ACOT13: variants seen among roughly 807,000 people sequenced by gnomAD.
The protein encoded by ACOT13 is acyl-CoA thioesterase 13.
A neutral mutation model predicts 11.8 loss-of-function variants in ACOT13; 10 were observed. The ratio of observed to expected loss-of-function variants is 0.85; its 90% CI spans 0.53 to 1.44. ACOT13 has a LOEUF of 1.44. Among genes scored for constraint, ACOT13 ranks in the 40% most tolerant of loss-of-function variants. The pLI is 0.00. For missense variants in ACOT13, 172 were observed against 174.1 expected (o/e 0.99, Z 0.07); for synonymous variants, 53 against 61.0 (o/e 0.87, Z 0.61).
intron 1 of ACOT13, among the ~76,000 whole-genome samples, chr6:24,674,973 CAT>C (rs1340898157): frequency 2.0e-5 from 3 of 147,234 alleles, no homozygotes; most frequent in Non-Finnish European, 4.4e-5. Flanking sequence ...TGAGTGAGAA[CAT>C]GTGGTGTTTG....
At chr6:24,681,502 T>A (rs1391190496) in intron 1 of ACOT13, among the ~76,000 whole-genome samples, 1 of 60,382 alleles carries the variant, frequency 1.7e-5, no homozygotes, top group African/African-American at 1.4e-4. Flanking sequence ...ACACTTTTTT[T>A]TTTTATTCTA....
chr6:24,672,335 A>G (rs1203067323), intron 1 of ACOT13, among the ~76,000 whole-genome samples: 1 of 152,238 alleles, frequency 6.6e-6, no homozygotes, highest in Non-Finnish European at 1.5e-5. Context: ...AAAATTTTAA[A>G]CTTGACCATA....
At chr6:24,694,452 A>ATT in intron 1 of ACOT13, among the ~76,000 whole-genome samples, 1 of 152,368 alleles carries the variant, frequency 6.6e-6, no homozygotes, top group East Asian at 1.9e-4. Flanking sequence ...AGACAATAGT[A>ATT]TTCACTTCAA....
At chr6:24,697,041 T>A (rs551168194) in intron 1 of ACOT13, among the ~76,000 whole-genome samples, 1 of 152,390 alleles carries the variant, frequency 6.6e-6, no homozygotes, top group African/African-American at 2.4e-5. Context: ...CCCAAAATGC[T>A]GGGATTACAG....
chr6:24,682,274 C>A (rs1035274655), intron 1 of ACOT13, among the ~76,000 whole-genome samples: 6 of 152,180 alleles, frequency 3.9e-5, no homozygotes, highest in Admixed American at 1.3e-4. Context: ...CTTTGGATGT[C>A]CCTTCGTGGT....
intron 1 of ACOT13, among the ~76,000 whole-genome samples, chr6:24,682,683 T>C (rs921855308): frequency 3.3e-5 from 5 of 151,452 alleles, no homozygotes; most frequent in African/African-American, 1.2e-4. Context: ...GTGGCAGGTC[T>C]GCGGTGGCGG....
intron 1 of ACOT13, among the ~76,000 whole-genome samples, chr6:24,693,295 C>T (rs3777665): frequency 0.15 from 23,239 of 152,122 alleles, 1,925 homozygotes; most frequent in Middle Eastern, 0.26. Context: ...TTTCTCATAC[C>T]ATATGTCACA....
At chr6:24,672,373 G>T (rs182368482) in intron 1 of ACOT13, among the ~76,000 whole-genome samples, 99 of 152,346 alleles carry the variant, frequency 6.5e-4, no homozygotes, top group African/African-American at 2.1e-3. Context: ...GGGCGTGGTG[G>T]CTCACGCCTA....
chr6:24,673,816 C>T (rs561622922), intron 1 of ACOT13, among the ~76,000 whole-genome samples: 3 of 152,142 alleles, frequency 2.0e-5, no homozygotes, highest in Non-Finnish European at 4.4e-5. Context: ...TGATCATATA[C>T]AATTTTTTTA....
intron 2 of ACOT13, 66 bp downstream of exon 2, chr6:24,698,133 C>A: frequency 7.4e-7 from 1 of 1,350,306 alleles, no homozygotes; most frequent in Non-Finnish European, 9.9e-7. Flanking sequence ...TGAGACTAAA[C>A]ACATTTATAT....
intron 1 of ACOT13, among the ~76,000 whole-genome samples, chr6:24,671,621 CAAATT>C (rs908789187): frequency 1.5e-4 from 23 of 151,642 alleles, no homozygotes; most frequent in African/African-American, 5.6e-4. Flanking sequence ...TTTAAAAAAA[CAAATT>C]TAACAAAGAA....
intron 1 of ACOT13, among the ~76,000 whole-genome samples, chr6:24,671,574 C>T (rs1257103215): frequency 6.6e-6 from 1 of 152,092 alleles, no homozygotes; most frequent in East Asian, 1.9e-4. Flanking sequence ...AACAAAACTG[C>T]ACGTTGTGCA....
At chr6:24,687,655 G>A in intron 1 of ACOT13, 1 of 1,487,198 alleles carries the variant, frequency 6.7e-7, no homozygotes, top group Non-Finnish European at 9.0e-7. Flanking sequence ...AGGCTTGAGA[G>A]AAAGAAAGCA....
At chr6:24,668,745 CA>C (rs1487414427) in intron 1 of ACOT13, among the ~76,000 whole-genome samples, 1 of 152,210 alleles carries the variant, frequency 6.6e-6, no homozygotes, top group Non-Finnish European at 1.5e-5. Flanking sequence ...GGCGTGCAAT[CA>C]GATGGTGAAG....
chr6:24,703,996 C>G lies in ACOT13; in HGVS notation c.*2381C>G, dbSNP rs1349916161. ...GTTCCACATTAAAGACAACTGAGAA[C>G]AACTAAATTCAATGATCCTGTACTC... On this transcript the variant is annotated 3_prime_UTR_variant, in exon 3 of 3. Transcript: ENST00000230048. 1 of 152,098 alleles carries G rather than the reference C, an allele frequency of 6.6e-6. No individual in the cohort carries two copies. Among genetic ancestry groups the G allele is most frequent in the East Asian group, 1.9e-4 (1 of 5,196 alleles). 9.4% of individuals were successfully genotyped at this position (152,098 alleles called of 1,614,324 possible). A position where few individuals can be genotyped will look rare whatever the true frequency, so the allele number is the denominator to read the frequency against.
At position 24,675,646 on chromosome 6, in the gene ACOT13, G is replaced by A. The variant is rs1337198649; in HGVS notation, c.81+8302G>A. ...TGGATATTAGCCCTTTGTCAGTTGGGTAGATTGTAAAAATTTTCTCCCATC... is the reference window on the plus strand; with the variant it reads ...TGGATATTAGCCCTTTGTCAGTTGGATAGATTGTAAAAATTTTCTCCCATC... On this transcript the variant is annotated intron_variant, in intron 1 of 2. Transcript: ENST00000230048. Among the ~76,000 whole-genome samples, 9 of 152,246 alleles carry A rather than the reference G, an allele frequency of 5.9e-5. No homozygotes were observed. The East Asian group carries it at 7.7e-4, about 13-fold the overall frequency.
At chr6:24,685,332 CTTTTTT>C (rs563020332) in intron 1 of ACOT13, among the ~76,000 whole-genome samples, 1 of 116,784 alleles carries the variant, frequency 8.6e-6, no homozygotes, top group Non-Finnish European at 1.8e-5. Context: ...TTTTACTGTA[CTTTTTT>C]TTTTTTTTTT....
In ACOT13 at chr6:24,701,505, C is replaced by G; in HGVS notation, c.313C>G (p.His105Asp). Residue 105 changes from histidine (H) to aspartate (D), a missense_variant, in exon 3 of 3, where the codon CAT becomes GAT. Coordinates refer to ENST00000230048, the MANE Select transcript of ACOT13 (RefSeq NM_018473.4). ...AGGAGAAGATATAGTGATTACAGCA[C>G]ATGTTCTGAAGCAAGGAAAAACACT... ...KLGEDIVITAHVLKQGKTLAF... is the reference protein window; with the variant it reads ...KLGEDIVITADVLKQGKTLAF... The G allele has an allele frequency of 6.2e-7, 1 of 1,613,068 alleles. No homozygotes were observed. The highest frequency in any genetic ancestry group is 1.3e-5 in the African/African-American group (1 of 75,028).
chr6:24,669,712 A>G (rs1259887690), intron 1 of ACOT13, among the ~76,000 whole-genome samples: 11 of 152,214 alleles, frequency 7.2e-5, no homozygotes, highest in Admixed American at 7.2e-4. Flanking sequence ...GTGAACTCCC[A>G]TGTCTTGTGA....
Sources: gnomAD v4.1 joint callset for allele counts (sites outside exome capture counted in the v4.1 genomes callset) on GRCh38, gnomAD v4.1.1 for gene constraint, MANE v1.5 for transcripts, NCBI Gene and HGNC (gene_info 2026-07-23, HGNC 2026-07-21) for gene names.